Variants in CTNND2 observed in about 807,000 individuals in gnomAD.
The protein encoded by CTNND2 is catenin delta-2.
Under a neutral mutation model 144.4 loss-of-function variants are expected in CTNND2, and 22 were observed. That is an observed-to-expected ratio of 0.15 (90% CI 0.11 to 0.22). The LOEUF is 0.22. CTNND2 is among the 10% of genes least tolerant of loss of function. The pLI, the probability that CTNND2 is intolerant of heterozygous loss-of-function variation, is 1.00. For missense variants in CTNND2, 1,353 were observed against 1,618.8 expected, an observed-to-expected ratio of 0.84 and a Z score of 2.82; for synonymous variants, 751 against 695.6, an observed-to-expected ratio of 1.08 and a Z score of -1.25.
chr5:11,895,270 G>T (rs1006453370), intron 1 of CTNND2, among the ~76,000 whole-genome samples: 3 of 152,150 alleles, frequency 2.0e-5, no homozygotes, highest in Non-Finnish European at 4.4e-5. Context: ...AAAAGCAAAC[G>T]CCAGAATTAC....
intron 1 of CTNND2, among the ~76,000 whole-genome samples, chr5:11,818,094 T>C (rs996678958): frequency 2.4e-4 from 35 of 144,574 alleles, no homozygotes; most frequent in African/African-American, 8.7e-4. Context: ...CTACAACACA[T>C]GCTTACTAAT....
At chr5:11,412,149 A>G (rs1581139547) in intron 3 of CTNND2, 80 bp from the exon 4 acceptor site, 2 of 1,091,582 alleles carry the variant, frequency 1.8e-6, no homozygotes. Context: ...ACACAAAGGC[A>G]TATTAGGGTA....
intron 3 of CTNND2, among the ~76,000 whole-genome samples, chr5:11,416,625 T>G (rs1363675854): frequency 6.6e-6 from 1 of 152,236 alleles, no homozygotes; most frequent in African/African-American, 2.4e-5. Flanking sequence ...AACTATTTAT[T>G]TATTCAATAA....
chr5:11,677,665 A>C (rs780099830), intron 2 of CTNND2, among the ~76,000 whole-genome samples: 63 of 152,304 alleles, frequency 4.1e-4, no homozygotes, highest in Non-Finnish European at 8.4e-4. Flanking sequence ...CTTGAGTTAA[A>C]AAGGGTACAC....
chr5:11,072,159 C>T (rs146893659), intron 16 of CTNND2, among the ~76,000 whole-genome samples: 1 of 152,218 alleles, frequency 6.6e-6, no homozygotes, highest in South Asian at 2.1e-4. Context: ...TTAAACTGTT[C>T]AAGTCTCAAG....
chr5:11,707,619 A>T (rs768712111), intron 2 of CTNND2, among the ~76,000 whole-genome samples: 39 of 152,248 alleles, frequency 2.6e-4, no homozygotes, highest in South Asian at 2.1e-4. Flanking sequence ...CACAGGACAC[A>T]CAAATGCCAC....
intron 18 of CTNND2, among the ~76,000 whole-genome samples, chr5:10,995,567 G>A (rs1244814997): frequency 6.6e-6 from 1 of 152,192 alleles, no homozygotes; most frequent in African/African-American, 2.4e-5. Flanking sequence ...CTTTGGCAAA[G>A]TTTTATTTTA....
chr5:11,465,886 C>G (rs1354537916), intron 3 of CTNND2, among the ~76,000 whole-genome samples: 1 of 152,184 alleles, frequency 6.6e-6, no homozygotes, highest in Non-Finnish European at 1.5e-5. Flanking sequence ...CAGTCAACTT[C>G]CATCTCCAAG....
chr5:11,831,603 C>T (rs1419349601), intron 1 of CTNND2, among the ~76,000 whole-genome samples: 1 of 150,696 alleles, frequency 6.6e-6, no homozygotes, highest in Non-Finnish European at 1.5e-5. Context: ...GGAGGCGGAG[C>T]TTGCAGTGAG....
At chr5:11,330,046 G>A (rs1752927916) in intron 9 of CTNND2, among the ~76,000 whole-genome samples, 1 of 152,184 alleles carries the variant, frequency 6.6e-6, no homozygotes, top group Non-Finnish European at 1.5e-5. Context: ...TCAGCAGACA[G>A]TATGGGCCTG....
chr5:11,833,670 C>G (rs1415819747), intron 1 of CTNND2, among the ~76,000 whole-genome samples: 3 of 152,012 alleles, frequency 2.0e-5, no homozygotes, highest in African/African-American at 7.3e-5. Flanking sequence ...ATTACAGGCA[C>G]CCACGACTAC....
chr5:11,240,885 C>T (rs1742339515), intron 9 of CTNND2, among the ~76,000 whole-genome samples: 1 of 147,564 alleles, frequency 6.8e-6, no homozygotes, highest in Admixed American at 6.8e-5. Flanking sequence ...CCAACCCACA[C>T]ACACCCAAAA....
chr5:11,130,259 A>ACC (rs34644491), intron 12 of CTNND2, among the ~76,000 whole-genome samples: 5 of 149,812 alleles, frequency 3.3e-5, no homozygotes, highest in East Asian at 3.9e-4. Context: ...TTCATACCAC[A>ACC]CCCCCCCCAT....
At chr5:11,182,371 AAG>A (rs779740661) in intron 11 of CTNND2, among the ~76,000 whole-genome samples, 1 of 151,936 alleles carries the variant, frequency 6.6e-6, no homozygotes, top group African/African-American at 2.4e-5. Context: ...GTGCACATCT[AAG>A]AGTGTGCACA....
intron 1 of CTNND2, among the ~76,000 whole-genome samples, chr5:11,769,450 T>C (rs1789789876): frequency 6.6e-6 from 1 of 152,254 alleles, no homozygotes; most frequent in Non-Finnish European, 1.5e-5. Flanking sequence ...GTTAATATTG[T>C]ATTTGAGCAA....
At chr5:11,677,707 A>C (rs1050855166) in intron 2 of CTNND2, among the ~76,000 whole-genome samples, 1 of 152,170 alleles carries the variant, frequency 6.6e-6, no homozygotes, top group Non-Finnish European at 1.5e-5. Flanking sequence ...GTTTTGCTTT[A>C]AGTCATTCAA....
At chr5:11,529,651 A>C (rs1773563638) in intron 3 of CTNND2, among the ~76,000 whole-genome samples, 1 of 152,258 alleles carries the variant, frequency 6.6e-6, no homozygotes, top group Admixed American at 6.5e-5. Flanking sequence ...TAGCATAACT[A>C]TGAATATGAA....
At chr5:11,173,739 T>C (rs1054277236) in intron 11 of CTNND2, among the ~76,000 whole-genome samples, 2 of 152,226 alleles carry the variant, frequency 1.3e-5, no homozygotes, top group Non-Finnish European at 2.9e-5. Flanking sequence ...AAAAATCTTT[T>C]ATTAAAACTT....
chr5:11,091,731 C>G (rs113694194), intron 15 of CTNND2, among the ~76,000 whole-genome samples: 6 of 152,212 alleles, frequency 3.9e-5, no homozygotes, highest in African/African-American at 1.4e-4. Flanking sequence ...TGACTATTCT[C>G]CCCAGTGGCC....
Sources: gnomAD v4.1 joint callset for allele counts (sites outside exome capture counted in the v4.1 genomes callset) on GRCh38, gnomAD v4.1.1 for gene constraint, MANE v1.5 for transcripts, NCBI Gene and HGNC (gene_info 2026-07-23, HGNC 2026-07-21) for gene names.